Variants in CCDC93 observed in about 807,000 individuals in gnomAD.
CCDC93 encodes CCC complex scaffolding subunit CCDC93, also known as coiled-coil domain-containing protein 93.
A neutral mutation model predicts 108.2 loss-of-function variants in CCDC93; 61 were observed. The ratio of observed to expected loss-of-function variants is 0.56; its 90% CI spans 0.46 to 0.70. The LOEUF (loss-of-function observed/expected upper bound fraction) is 0.70. Among genes scored for constraint, CCDC93 ranks in the 30% least tolerant of loss-of-function variants. CCDC93 has a pLI of 0.00. For synonymous variants in CCDC93, 276 were observed against 260.4 expected (o/e 1.06, Z -0.58); for missense variants, 685 against 764.2 (o/e 0.90, Z 1.22).
intron 23 of CCDC93, among the ~76,000 whole-genome samples, chr2:117,922,458 C>T (rs1399131126): frequency 4.6e-5 from 7 of 152,060 alleles, no homozygotes; most frequent in Non-Finnish European, 1.0e-4. Context: ...GGTTATGTAC[C>T]GAAAGCCAGC....
chr2:117,923,200 A>C (rs1677941036), intron 23 of CCDC93, among the ~76,000 whole-genome samples: 1 of 152,178 alleles, frequency 6.6e-6, no homozygotes, highest in South Asian at 2.1e-4. Context: ...GAGGCAGAAG[A>C]CGGGTGATGT....
intron 22 of CCDC93, chr2:117,934,042 C>T (rs2241424): frequency 0.58 from 87,912 of 152,038 alleles, 25,743 homozygotes; most frequent in Middle Eastern, 0.63. Context: ...GCCAAGAGCA[C>T]GAAGCCTCCT....
chr2:117,947,813 C>T (rs938072934), intron 15 of CCDC93, among the ~76,000 whole-genome samples: 3 of 151,696 alleles, frequency 2.0e-5, no homozygotes, highest in African/African-American at 7.3e-5. Context: ...CCTGCCTCAG[C>T]CTCCCGAGTA....
chr2:117,982,312 A>G (rs760963997), intron 7 of CCDC93, among the ~76,000 whole-genome samples: 18 of 152,146 alleles, frequency 1.2e-4, no homozygotes, highest in Non-Finnish European at 2.1e-4. Context: ...TAGGTGCTTA[A>G]GTTAGCCTCT....
chr2:118,011,274 A>C (rs1477389269), intron 1 of CCDC93, among the ~76,000 whole-genome samples: 1 of 152,218 alleles, frequency 6.6e-6, no homozygotes, highest in Non-Finnish European at 1.5e-5. Flanking sequence ...GTTAATACAG[A>C]ATTATTAAAG....
intron 7 of CCDC93, among the ~76,000 whole-genome samples, chr2:117,979,144 A>C (rs1680035926): frequency 2.0e-5 from 3 of 152,204 alleles, no homozygotes; most frequent in Admixed American, 1.3e-4. Context: ...CAACTTCTGC[A>C]TTGGCCTGAT....
At position 117,997,953 on chromosome 2, in the gene CCDC93, C is replaced by G. The variant is rs570067205; in HGVS notation, c.364-1591G>C. ...CCCTGAGTTACAGCCTGGCTGGATC[C>G]TGGAGAGCATGATCCCATTATGAAG... On this transcript the variant is annotated intron_variant, in intron 4 of 23. Coordinates refer to ENST00000376300, the MANE Select transcript of CCDC93 (RefSeq NM_019044.5). 2.6e-5 allele frequency: 4 copies of G among 152,378 alleles called. No homozygotes were observed. The South Asian group carries it at 8.3e-4, about 32-fold the overall frequency. 9.4% of individuals were successfully genotyped at this position (152,378 alleles called of 1,614,324 possible). A position where few individuals can be genotyped will look rare whatever the true frequency, so the allele number is the denominator to read the frequency against.
chr2:117,976,934 C>CT lies in CCDC93; in HGVS notation c.657+1059dup, dbSNP rs34472456. 5.2e-3 allele frequency among the ~76,000 whole-genome samples: 613 copies of CT among 118,212 alleles called. 3 individuals are homozygous for CT. Among genetic ancestry groups the CT allele is most frequent in the Middle Eastern group, 0.029 (7 of 242 alleles). 77.6% of individuals were successfully genotyped at this position (118,212 alleles called of 152,430 possible). A position where few individuals can be genotyped will look rare whatever the true frequency, so the allele number is the denominator to read the frequency against. ...GAATGAAAAGAGGTTAATAACCAAT[C>CT]TTTTTTTTTTTTTTTTTTTGAGACG... On this transcript the variant is annotated intron_variant, in intron 8 of 23. Transcript: ENST00000376300.
chr2:117,968,520 C>T (rs1446020612), intron 11 of CCDC93, among the ~76,000 whole-genome samples: 1 of 152,182 alleles, frequency 6.6e-6, no homozygotes, highest in African/African-American at 2.4e-5. Flanking sequence ...CTGGAAGCTT[C>T]TTCACATTCC....
chr2:117,960,559 C>T (rs969358027), intron 11 of CCDC93, among the ~76,000 whole-genome samples: 1 of 152,186 alleles, frequency 6.6e-6, no homozygotes, highest in Admixed American at 6.5e-5. Flanking sequence ...TCCATGCTCT[C>T]GTATTAGTGT....
chr2:118,003,221 A>G (rs1474710209), intron 3 of CCDC93, among the ~76,000 whole-genome samples: 3 of 152,172 alleles, frequency 2.0e-5, no homozygotes, highest in Non-Finnish European at 4.4e-5. Context: ...TGGGACTCAC[A>G]TGGGATAGCT....
intron 13 of CCDC93, chr2:117,951,490 T>G (rs1679055132): frequency 1.0e-6 from 1 of 989,180 alleles, no homozygotes; most frequent in Non-Finnish European, 1.2e-6. Context: ...CGCTACAGAG[T>G]AAGAATTTTA....
At chr2:117,999,496 G>A (rs894562992) in intron 4 of CCDC93, 2 of 152,178 alleles carry the variant, frequency 1.3e-5, no homozygotes, top group African/African-American at 4.8e-5. Flanking sequence ...AGAGTCAGAT[G>A]GGAAGTAGTG....
At chr2:117,944,865 G>T in intron 17 of CCDC93, 1 of 466,432 alleles carries the variant, frequency 2.1e-6, no homozygotes. Context: ...CAGTTTTCCT[G>T]CTTTTCCTTT....
At chr2:117,947,693 CTTTTT>C (rs763811529) in intron 15 of CCDC93, among the ~76,000 whole-genome samples, 1 of 121,982 alleles carries the variant, frequency 8.2e-6, no homozygotes, top group Non-Finnish European at 1.7e-5. Flanking sequence ...GATGAATCTG[CTTTTT>C]TTTTTTTTTT....
intron 20 of CCDC93, among the ~76,000 whole-genome samples, chr2:117,937,455 C>T (rs1351638880): frequency 3.3e-5 from 5 of 152,142 alleles, no homozygotes; most frequent in Non-Finnish European, 7.3e-5. Context: ...TATTTCTTGT[C>T]CTTAGTACTC....
rs550767008 is a variant in CCDC93 at position 117,946,299 on chromosome 2, A to G, written c.1296+512T>C. Among the ~76,000 whole-genome samples the G allele has an allele frequency of 9.8e-5, 15 of 152,290 alleles. No individual in the cohort carries two copies. In the East Asian group the frequency reaches 2.7e-3, roughly 27 times the overall value. On this transcript the variant is annotated intron_variant, in intron 16 of 23. Transcript: ENST00000376300. ...GTGAAAATTCATGCTAGCTCCTTGG[A>G]AGATCAAGTCCTCTGTTCAGAGAAC...
At chr2:117,998,870 C>T (rs1680749190) in intron 4 of CCDC93, 1 of 152,208 alleles carries the variant, frequency 6.6e-6, no homozygotes, top group African/African-American at 2.4e-5. Context: ...CAGGTAGTGT[C>T]CCCTTGCATA....
chr2:117,928,669 A>C lies in CCDC93; in HGVS notation c.1842+2368T>G, dbSNP rs71422551. On this transcript the variant is annotated intron_variant, in intron 23 of 23. Transcript: ENST00000376300. ...ACTTTTACACTGTTGGTGGGACTGT[A>C]AACTAGTTCAACCATTGTGGAAGTC... is the stretch of plus-strand genomic sequence containing the variant. Among the ~76,000 whole-genome samples the C allele has an allele frequency of 7.2e-5, 11 of 152,218 alleles. No homozygotes were observed. In the East Asian group the frequency reaches 1.5e-3, roughly 21 times the overall value.
Sources: allele counts gnomAD v4.1 joint callset (sites outside exome capture counted in the v4.1 genomes callset), GRCh38; gene constraint gnomAD v4.1.1; transcripts MANE v1.5; gene names NCBI Gene and HGNC (gene_info 2026-07-23, HGNC 2026-07-21).